The following CAST variants were observed in gnomAD, a reference collection of about 807,000 sequenced individuals.
CAST encodes the protein calpastatin, also known as MIR583 host.
CAST carries 76 observed loss-of-function variants against 119.6 expected under a neutral mutation model. The ratio of observed to expected loss-of-function variants is 0.64; its 90% confidence interval spans 0.53 to 0.77. The LOEUF is 0.77. Ranked by LOEUF, CAST falls within the 30% of genes least tolerant of loss-of-function variation. The pLI is 0.00. For synonymous variants in CAST, 319 were observed against 331.6 expected (o/e 0.96, Z 0.41); for missense variants, 953 against 946.5 (o/e 1.01, Z -0.09).
Position 96,722,650 on chromosome 5 carries a change from C to T in CAST, c.222C>T (p.Ser74=). 6.2e-7 allele frequency: 1 copy of T among 1,612,926 alleles called. No individual in the cohort carries two copies. Among genetic ancestry groups the T allele is most frequent in the Non-Finnish European group, 8.5e-7 (1 of 1,178,852 alleles). ...TCTTTCCTTTCTAGGTGTCAGCTTC[C>T]TCTGGTGCAACCAGCAAGTCTTCCA... ...GTASATKVSA[S]SGATSKSSSM... The change falls in exon 4 of 32, where the codon TCC becomes TCT. Residue 74 remains serine (S), a synonymous_variant. Coordinates refer to ENST00000675179, the MANE Select transcript of CAST (RefSeq NM_001750.7).
chr5:96,378,451 T>G, the CAST span, among the ~76,000 whole-genome samples: 1 of 152,172 alleles, frequency 6.6e-6, no homozygotes, highest in Non-Finnish European at 1.5e-5. Flanking sequence ...CATCAAGTTG[T>G]ACACTTAAAT....
At chr5:96,299,006 G>A in the CAST span, among the ~76,000 whole-genome samples, 1 of 151,854 alleles carries the variant, frequency 6.6e-6, no homozygotes, top group South Asian at 2.1e-4. Flanking sequence ...TTGGGAGGCC[G>A]AGGCGGATGG....
Position 96,722,649 on chromosome 5 carries a change from C to G in CAST, c.221C>G (p.Ser74Cys), listed in dbSNP as rs766189847. 16 of 1,612,746 alleles carry G rather than the reference C, an allele frequency of 9.9e-6. No individual in the cohort carries two copies. The Middle Eastern group carries it at 2.6e-3, about 266-fold the overall frequency. The change falls in exon 4 of 32, where the codon TCC (serine) becomes TGC (cysteine). Residue 74 changes from serine (S) to cysteine (C), a missense_variant. Transcript: ENST00000675179. ...TTCTTTCCTTTCTAGGTGTCAGCTT[C>G]CTCTGGTGCAACCAGCAAGTCTTCC... ...GTASATKVSA[S>C]SGATSKSSSM...
At chr5:96,050,465 G>C in the CAST span, among the ~76,000 whole-genome samples, 1 of 152,148 alleles carries the variant, frequency 6.6e-6, no homozygotes, top group Admixed American at 6.5e-5. Flanking sequence ...TGAGAAGAAA[G>C]CTGGCACTGA....
At chr5:96,652,145 G>A (rs1427571736) in intron 1 of CAST, among the ~76,000 whole-genome samples, 1 of 152,176 alleles carries the variant, frequency 6.6e-6, no homozygotes, top group African/African-American at 2.4e-5. Context: ...TCCTGCAGTG[G>A]CCACTAGGGC....
the CAST span, chr5:96,247,661 TCTC>T: frequency 5.3e-5 from 8 of 152,246 alleles, no homozygotes; most frequent in Non-Finnish European, 1.0e-4. Flanking sequence ...AGACTTGAAT[TCTC>T]CTTCCTCTCA....
chr5:96,204,563 T>C, the CAST span, among the ~76,000 whole-genome samples: 2 of 152,038 alleles, frequency 1.3e-5, no homozygotes, highest in Non-Finnish European at 2.9e-5. Context: ...AGGCATAATG[T>C]TGGGAAGTAC....
the CAST span, among the ~76,000 whole-genome samples, chr5:96,217,467 A>G: frequency 8.6e-5 from 13 of 152,010 alleles, no homozygotes; most frequent in Non-Finnish European, 1.5e-4. Flanking sequence ...GACTATAACC[A>G]TTTGGTGCCG....
chr5:96,490,354 C>CTGTGTGTGTGTGTGTGTG, the CAST span, among the ~76,000 whole-genome samples: 17 of 149,618 alleles, frequency 1.1e-4, no homozygotes, highest in African/African-American at 4.2e-4. Flanking sequence ...ATGTGTGTGT[C>CTGTGTGTGTGTGTGTGTG]TGTGTGTGTG....
chr5:96,265,826 A>G, the CAST span, among the ~76,000 whole-genome samples: 3 of 152,182 alleles, frequency 2.0e-5, no homozygotes, highest in South Asian at 2.1e-4. Flanking sequence ...GCCATCTACA[A>G]ATAAATTTTG....
chr5:96,516,791 T>C, the CAST span, among the ~76,000 whole-genome samples: 2 of 152,210 alleles, frequency 1.3e-5, no homozygotes, highest in Non-Finnish European at 2.9e-5. Flanking sequence ...TGCATTTGTA[T>C]TTTGGAAATA....
the CAST span, among the ~76,000 whole-genome samples, chr5:96,333,185 T>C: frequency 3.5e-4 from 54 of 152,134 alleles, no homozygotes; most frequent in African/African-American, 1.3e-3. Context: ...GGGCAGGGGC[T>C]TGGGGCTCCT....
the CAST span, chr5:96,394,866 C>T: frequency 6.2e-7 from 1 of 1,614,028 alleles, no homozygotes; most frequent in Non-Finnish European, 8.5e-7. Flanking sequence ...ACACAGACCT[C>T]CCCTGGATCC....
chr5:96,398,774 A>G, the CAST span: 5 of 961,670 alleles, frequency 5.2e-6, no homozygotes, highest in Non-Finnish European at 8.4e-6. Context: ...ACCTGAAAAT[A>G]TCTATTAGGA....
chr5:96,190,123 G>A, the CAST span, among the ~76,000 whole-genome samples: 1 of 152,146 alleles, frequency 6.6e-6, no homozygotes, highest in African/African-American at 2.4e-5. Flanking sequence ...TTTGTATGCA[G>A]GAAGGGCTTA....
chr5:96,074,550 T>C, the CAST span, among the ~76,000 whole-genome samples: 9 of 152,204 alleles, frequency 5.9e-5, no homozygotes, highest in Admixed American at 3.3e-4. Context: ...AGAAAATAAA[T>C]TGCTGTTGTT....
chr5:96,365,400 A>T, the CAST span, among the ~76,000 whole-genome samples: 1,036 of 152,294 alleles, frequency 6.8e-3, 10 homozygotes, highest in African/African-American at 0.023. Flanking sequence ...TGTCTCGTTG[A>T]TCTGTCTAAT....
the CAST span, chr5:95,980,306 G>A: frequency 3.3e-5 from 5 of 152,196 alleles, no homozygotes; most frequent in African/African-American, 9.7e-5. Flanking sequence ...GTGATTGAAA[G>A]TCTCCTTTAA....
the CAST span, among the ~76,000 whole-genome samples, chr5:96,428,980 A>G: frequency 6.4e-3 from 979 of 152,296 alleles, 9 homozygotes; most frequent in African/African-American, 0.023. Flanking sequence ...TTATATAATT[A>G]AACTGCGTAT....
Sources: gnomAD v4.1 joint callset for allele counts (sites outside exome capture counted in the v4.1 genomes callset) on GRCh38, gnomAD v4.1.1 for gene constraint, MANE v1.5 for transcripts, NCBI Gene and HGNC (gene_info 2026-07-23, HGNC 2026-07-21) for gene names.